Variants in ZNF655 observed in about 807,000 individuals in gnomAD.
The protein encoded by ZNF655 is zinc finger protein 655.
In ZNF655, 3 loss-of-function variants were observed where a neutral mutation model predicts 6.6. The ratio of observed to expected loss-of-function variants is 0.46; its 90% CI spans 0.21 to 1.18. The LOEUF (loss-of-function observed/expected upper bound fraction) is 1.18. Among genes scored for constraint, ZNF655 ranks in the 50% most tolerant of loss-of-function variants. ZNF655 has a pLI of 0.24. For synonymous variants in ZNF655, 178 were observed against 195.0 expected (o/e 0.91, Z 0.73); for missense variants, 526 against 572.3 (o/e 0.92, Z 0.83).
At chr7:99,564,076 G>T in intron 2 of ZNF655, 1 of 1,586,502 alleles carries the variant, frequency 6.3e-7, no homozygotes, top group Non-Finnish European at 8.6e-7. Flanking sequence ...AAAATTGACT[G>T]ATGGAATAGA....
chr7:99,564,456 A>G, intron 2 of ZNF655: 1 of 1,006,256 alleles, frequency 9.9e-7, no homozygotes, highest in Non-Finnish European at 1.2e-6. Context: ...GCCCTCTTCA[A>G]GGTCCTACCT....
chr7:99,572,448 A>G lies in ZNF655; in HGVS notation c.340A>G (p.Arg114Gly), dbSNP rs764921746. ...RKFLYLEREF[R>G]QITISKETFT... ...ATTTCTGTACCTGGAGAGAGAGTTT[A>G]GGCAAATAACAATCAGCAAGGAAAC... The change falls in exon 3 of 3, where the codon AGG becomes GGG. Residue 114 changes from arginine (R) to glycine (G), a missense_variant. Coordinates refer to ENST00000252713, the MANE Select transcript of ZNF655 (RefSeq NM_138494.3). The G allele has an allele frequency of 6.2e-7, 1 of 1,613,922 alleles. No individual in the cohort carries two copies. The highest frequency in any genetic ancestry group is 1.7e-5 in the Admixed American group (1 of 60,004).
Position 99,560,521 on chromosome 7 carries a change from C to A in ZNF655, c.-27-12C>A. On this transcript the variant is annotated splice_polypyrimidine_tract_variant and intron_variant, in intron 1 of 2. Transcript: ENST00000252713. ...ACTTATTACAGTAATTTCTCTTAAT[C>A]TTACCTTGCAGTGATGGTCATTGTC... 2 of 1,600,550 alleles carry A rather than the reference C, an allele frequency of 1.2e-6. No individual in the cohort carries two copies. Among genetic ancestry groups the A allele is most frequent in the Non-Finnish European group, 1.7e-6 (2 of 1,171,482 alleles).
intron 2 of ZNF655, chr7:99,570,852 A>G (rs1478278143): frequency 6.5e-6 from 1 of 153,810 alleles, no homozygotes; most frequent in African/African-American, 2.4e-5. Flanking sequence ...GCCCTTTGAT[A>G]CTAATAGTAT....
intron 2 of ZNF655, chr7:99,562,144 C>G: frequency 2.7e-6 from 2 of 741,032 alleles, no homozygotes; most frequent in Non-Finnish European, 4.2e-6. Context: ...AACTTCCCAT[C>G]TCCCCAGTGC....
At chr7:99,562,739 T>C (rs1294536517) in intron 2 of ZNF655, among the ~76,000 whole-genome samples, 1 of 152,152 alleles carries the variant, frequency 6.6e-6, no homozygotes, top group Non-Finnish European at 1.5e-5. Context: ...GTGGGGCATC[T>C]TTTCCCTTTT....
chr7:99,569,516 G>C (rs78640327), intron 2 of ZNF655, among the ~76,000 whole-genome samples: 4,883 of 152,114 alleles, frequency 0.032, 99 homozygotes, highest in South Asian at 0.049. Flanking sequence ...AAATAAGACT[G>C]TGCAGGTTTG....
chr7:99,576,212 T>A lies in ZNF655; in HGVS notation c.*2628T>A, dbSNP rs540791355. 5.2e-5 allele frequency: 8 copies of A among 152,782 alleles called. No individual in the cohort carries two copies. The East Asian group carries it at 1.3e-3, about 26-fold the overall frequency. 9.5% of individuals were successfully genotyped at this position (152,782 alleles called of 1,614,324 possible). ...ATTTCATCAAGGCAAGGTAGGAATCTAAATGAAATTGATATATAAATGAAT... is the reference window on the plus strand; with the variant it reads ...ATTTCATCAAGGCAAGGTAGGAATCAAAATGAAATTGATATATAAATGAAT... On this transcript the variant is annotated 3_prime_UTR_variant, in exon 3 of 3. Transcript: ENST00000252713.
chr7:99,567,363 G>A (rs1259212709), intron 2 of ZNF655, among the ~76,000 whole-genome samples: 6 of 151,690 alleles, frequency 4.0e-5, no homozygotes, highest in African/African-American at 9.7e-5. Flanking sequence ...GAGAAACCCC[G>A]TCTCTACTAA....
chr7:99,568,532 G>A (rs1038806526), intron 2 of ZNF655, among the ~76,000 whole-genome samples: 26 of 152,098 alleles, frequency 1.7e-4, no homozygotes, highest in African/African-American at 6.3e-4. Flanking sequence ...TTACAGGCGC[G>A]AGCCACCGTG....
chr7:99,559,060 C>G (rs992997525), intron 1 of ZNF655: 5 of 152,412 alleles, frequency 3.3e-5, no homozygotes, highest in African/African-American at 1.2e-4. Context: ...TTGCCTTGGC[C>G]TAAAAGGGAA....
chr7:99,564,888 T>A (rs1300522486), intron 2 of ZNF655, among the ~76,000 whole-genome samples: 1 of 152,216 alleles, frequency 6.6e-6, no homozygotes, highest in African/African-American at 2.4e-5. Context: ...AAGAAAGCCT[T>A]CTACTCATCT....
rs757132762 is a variant in ZNF655 at position 99,572,162 on chromosome 7, GT to G, written c.137-80del. ...TTCTTGTCCTTGTAGATACTACATT[GT>G]TTAGTTTTCTCATCTGAGTTTTCTT... On this transcript the variant is annotated intron_variant, in intron 2 of 2. Transcript: ENST00000252713. 74 of 1,410,134 alleles carry G rather than the reference GT, an allele frequency of 5.2e-5. No homozygotes were observed. The East Asian group carries it at 8.3e-4, about 16-fold the overall frequency. 87.4% of individuals were successfully genotyped at this position (1,410,134 alleles called of 1,614,324 possible). A position where few individuals can be genotyped will look rare whatever the true frequency, so the allele number is the denominator to read the frequency against.
At chr7:99,563,996 C>A (rs774048676) in intron 2 of ZNF655, 114 of 1,613,600 alleles carry the variant, frequency 7.1e-5, no homozygotes, top group Admixed American at 1.8e-4. Flanking sequence ...AGAGATGGCC[C>A]AAGTATCGGC....
intron 2 of ZNF655, among the ~76,000 whole-genome samples, chr7:99,565,246 G>A (rs987492738): frequency 4.0e-5 from 6 of 151,518 alleles, no homozygotes; most frequent in African/African-American, 7.3e-5. Flanking sequence ...TCTGCTCACC[G>A]CAAGCTCCAC....
chr7:99,569,842 T>G (rs1803902426), intron 2 of ZNF655, among the ~76,000 whole-genome samples: 1 of 152,178 alleles, frequency 6.6e-6, no homozygotes, highest in African/African-American at 2.4e-5. Flanking sequence ...TACAAGTGGT[T>G]TTTTGTTACA....
In ZNF655 at chr7:99,572,453, A is replaced by G; in HGVS notation, c.345A>G (p.Gln115=). The G allele has an allele frequency of 6.2e-7, 1 of 1,613,876 alleles. No individual in the cohort carries two copies. Residue 115 remains glutamine (Q), a synonymous_variant, in exon 3 of 3, where the codon CAA becomes CAG. Transcript: ENST00000252713. ...KFLYLEREFR[Q]ITISKETFTS... is the part of the protein sequence containing the mutation. ...TGTACCTGGAGAGAGAGTTTAGGCA[A>G]ATAACAATCAGCAAGGAAACCTTCA...
intron 2 of ZNF655, chr7:99,563,732 G>T: frequency 1.1e-6 from 1 of 929,120 alleles, no homozygotes; most frequent in South Asian, 1.7e-5. Context: ...CTATGCTGGT[G>T]GCATCCAGGG....
At position 99,560,593 on chromosome 7, in the gene ZNF655, T is replaced by A. The variant is rs144789038; in HGVS notation, c.34T>A (p.Ser12Thr). Residue 12 changes from serine to threonine, a missense_variant, in exon 2 of 3, where the codon TCA (serine) becomes ACA (threonine). By Grantham distance (58) the Ser-to-Thr change is moderately conservative (BLOSUM62 1). Coordinates refer to ENST00000252713, the MANE Select transcript of ZNF655 (RefSeq NM_138494.3). ...EEIPAQEAAG[S>T]PRVQFQSLET... ...AATACCAGCCCAGGAAGCAGCAGGGTCACCAAGGGTCCAGTTTCAGTCTTT... is the reference window on the plus strand; with the variant it reads ...AATACCAGCCCAGGAAGCAGCAGGGACACCAAGGGTCCAGTTTCAGTCTTT... 219 of 1,614,132 alleles carry A rather than the reference T, an allele frequency of 1.4e-4. No individual in the cohort carries two copies. The African/African-American group carries it at 2.7e-3, about 20-fold the overall frequency.
Sources: gnomAD v4.1 joint callset for allele counts (sites outside exome capture counted in the v4.1 genomes callset) on GRCh38, gnomAD v4.1.1 for gene constraint, MANE v1.5 for transcripts, NCBI Gene and HGNC (gene_info 2026-07-23, HGNC 2026-07-21) for gene names.